CACNA2D3: variants seen among roughly 807,000 people sequenced by gnomAD.
CACNA2D3 encodes the protein calcium voltage-gated channel auxiliary subunit alpha2delta 3, also known as voltage-dependent calcium channel subunit alpha-2/delta-3.
In CACNA2D3, 60 loss-of-function variants were observed where a neutral mutation model predicts 160.6. The observed-to-expected ratio is 0.37, with a 90% CI of 0.30 to 0.46. CACNA2D3 has a LOEUF of 0.46. Ranked by LOEUF, CACNA2D3 falls within the 20% of genes least tolerant of loss-of-function variation. CACNA2D3 has a pLI of 1.00. For missense variants in CACNA2D3, 1,205 were observed against 1,365.0 expected, an observed-to-expected ratio of 0.88 and a Z score of 1.85; for synonymous variants, 558 against 492.9, an observed-to-expected ratio of 1.13 and a Z score of -1.75.
intron 13 of CACNA2D3, among the ~76,000 whole-genome samples, chr3:54,787,212 T>C (rs72874258): frequency 1.3e-5 from 2 of 152,174 alleles, no homozygotes; most frequent in Non-Finnish European, 1.5e-5. Context: ...GTATTAGTTA[T>C]AGGTAAGAAG....
At chr3:54,747,725 C>T (rs1701780761) in intron 11 of CACNA2D3, among the ~76,000 whole-genome samples, 1 of 152,090 alleles carries the variant, frequency 6.6e-6, no homozygotes, top group South Asian at 2.1e-4. Context: ...GTCGCAGGGA[C>T]CTTGTACCTT....
chr3:55,007,986 A>G (rs1703133011), intron 33 of CACNA2D3, 144 bp downstream of exon 33: 1 of 582,846 alleles, frequency 1.7e-6, no homozygotes, highest in Non-Finnish European at 2.9e-6. Flanking sequence ...ACATCTCAAA[A>G]TATTGAACAC....
At chr3:54,286,075 T>C (rs1703015196) in intron 2 of CACNA2D3, among the ~76,000 whole-genome samples, 1 of 152,156 alleles carries the variant, frequency 6.6e-6, no homozygotes, top group Non-Finnish European at 1.5e-5. Flanking sequence ...CAAAGCTGGA[T>C]GGAGAATGAC....
intron 23 of CACNA2D3, among the ~76,000 whole-genome samples, chr3:54,886,339 G>A (rs919474513): frequency 3.3e-5 from 5 of 152,160 alleles, no homozygotes; most frequent in African/African-American, 1.2e-4. Flanking sequence ...TACTTTTTGG[G>A]ATATGCCCTG....
chr3:54,149,914 T>TCC (rs1700108622), intron 2 of CACNA2D3, among the ~76,000 whole-genome samples: 2 of 93,118 alleles, frequency 2.1e-5, no homozygotes, highest in Non-Finnish European at 4.3e-5. Flanking sequence ...TCTCTCTCTC[T>TCC]CTCTCTCTCT....
intron 11 of CACNA2D3, among the ~76,000 whole-genome samples, chr3:54,697,042 C>T (rs1395157007): frequency 3.9e-5 from 6 of 151,982 alleles, no homozygotes; most frequent in Non-Finnish European, 7.4e-5. Flanking sequence ...TTTGGGAGGC[C>T]GAGGCAGGTG....
intron 4 of CACNA2D3, among the ~76,000 whole-genome samples, chr3:54,428,624 T>C (rs1699943782): frequency 6.6e-6 from 1 of 152,166 alleles, no homozygotes; most frequent in South Asian, 2.1e-4. Context: ...CTTCTTTGTG[T>C]CCACCCAAAT....
chr3:55,067,716 G>GATACATACATAC (rs59985203), intron 35 of CACNA2D3, among the ~76,000 whole-genome samples: 11,879 of 151,158 alleles, frequency 0.079, 1,033 homozygotes, highest in Admixed American at 0.25. Flanking sequence ...CCATGCATTA[G>GATACATACATAC]ATACATACAT....
In CACNA2D3 at chr3:54,170,652, C is replaced by T. The variant is rs543493558; in HGVS notation, c.204+47058C>T. On this transcript the variant is annotated intron_variant, in intron 2 of 37. Transcript: ENST00000474759. ...TCCCTCCTTTCTTCCTTCCTTCCTC[C>T]TTTCAGTTCAGCAATATCAGCCAAG... Among the ~76,000 whole-genome samples the T allele has an allele frequency of 2.6e-5, 4 of 152,262 alleles. No homozygotes were observed. The South Asian group carries it at 8.3e-4, about 32-fold the overall frequency.
chr3:55,008,876 C>T (rs1703150686), intron 33 of CACNA2D3, among the ~76,000 whole-genome samples: 1 of 136,334 alleles, frequency 7.3e-6, no homozygotes. Flanking sequence ...AAGTCTGTTC[C>T]ACCTCCCTCT....
At chr3:54,306,480 T>C (rs1245169437) in intron 2 of CACNA2D3, among the ~76,000 whole-genome samples, 1 of 152,232 alleles carries the variant, frequency 6.6e-6, no homozygotes, top group South Asian at 2.1e-4. Context: ...CAACCTAAAA[T>C]GTGTGAGGAA....
At chr3:54,421,978 T>G (rs1312884179) in intron 4 of CACNA2D3, among the ~76,000 whole-genome samples, 2 of 152,160 alleles carry the variant, frequency 1.3e-5, no homozygotes, top group Non-Finnish European at 2.9e-5. Flanking sequence ...TCCTTGTTCT[T>G]ATAATTCATT....
At chr3:54,336,105 C>T (rs1704371013) in intron 3 of CACNA2D3, among the ~76,000 whole-genome samples, 2 of 151,666 alleles carry the variant, frequency 1.3e-5, no homozygotes, top group African/African-American at 4.8e-5. Flanking sequence ...TCTGCCTCCT[C>T]AGAATCCCAG....
At chr3:54,311,819 A>G (rs188738428) in intron 2 of CACNA2D3, among the ~76,000 whole-genome samples, 1 of 152,320 alleles carries the variant, frequency 6.6e-6, no homozygotes, top group Non-Finnish European at 1.5e-5. Flanking sequence ...TATTTGTTGA[A>G]TGAAAGAAAA....
chr3:54,820,944 GC>G lies in CACNA2D3; in HGVS notation c.1398+4075del, dbSNP rs547503755. On this transcript the variant is annotated intron_variant, in intron 14 of 37. Coordinates refer to ENST00000474759, the MANE Select transcript of CACNA2D3 (RefSeq NM_018398.3). The stretch of plus-strand genomic sequence containing the variant: ...AGGAGCTAAACATCAGTTATTCACT[GC>G]AGGATTAATTTAATCAATGTAGGTT... Among the ~76,000 whole-genome samples the G allele has an allele frequency of 1.2e-4, 18 of 152,186 alleles. 1 individual carries two copies. The South Asian group carries it at 3.7e-3, about 32-fold the overall frequency.
At chr3:54,161,902 T>G (rs1270133804) in intron 2 of CACNA2D3, among the ~76,000 whole-genome samples, 1 of 152,202 alleles carries the variant, frequency 6.6e-6, no homozygotes, top group Non-Finnish European at 1.5e-5. Flanking sequence ...CATTTACACC[T>G]TCCCAGCTGT....
chr3:54,767,315 C>A (rs1702243824), intron 13 of CACNA2D3, among the ~76,000 whole-genome samples: 1 of 152,092 alleles, frequency 6.6e-6, no homozygotes, highest in African/African-American at 2.4e-5. Context: ...ATTTTGAACA[C>A]AATACTTTCA....
chr3:54,901,613 C>T (rs965675269), intron 27 of CACNA2D3, among the ~76,000 whole-genome samples: 4 of 152,206 alleles, frequency 2.6e-5, no homozygotes, highest in Non-Finnish European at 4.4e-5. Flanking sequence ...CTCCTATTTA[C>T]TGCTTCTCTG....
intron 27 of CACNA2D3, among the ~76,000 whole-genome samples, chr3:54,943,821 C>A (rs747066773): frequency 6.6e-6 from 1 of 152,166 alleles, no homozygotes; most frequent in Non-Finnish European, 1.5e-5. Flanking sequence ...CCTAAGACTT[C>A]TCTTCCCTAT....
Sources: allele counts gnomAD v4.1 joint callset (sites outside exome capture counted in the v4.1 genomes callset), GRCh38; gene constraint gnomAD v4.1.1; transcripts MANE v1.5; gene names NCBI Gene and HGNC (gene_info 2026-07-23, HGNC 2026-07-21).